PRRC2B: variants seen among roughly 807,000 people sequenced by gnomAD.
The protein encoded by PRRC2B is protein PRRC2B.
Under a neutral mutation model 242.3 loss-of-function variants are expected in PRRC2B, and 68 were observed. The observed-to-expected ratio is 0.28, with a 90% CI of 0.23 to 0.34. PRRC2B has a LOEUF of 0.34. Ranked by LOEUF, PRRC2B falls within the 10% of genes least tolerant of loss-of-function variation. The pLI is 1.00. For missense variants in PRRC2B, 2,835 were observed against 2,954.8 expected (o/e 0.96, Z 0.94); for synonymous variants, 1,228 against 1,173.6 (o/e 1.05, Z -0.95).
intron 11 of PRRC2B, among the ~76,000 whole-genome samples, chr9:131,461,105 CAG>C (rs1378140271): frequency 6.6e-6 from 1 of 152,224 alleles, no homozygotes; most frequent in African/African-American, 2.4e-5. Flanking sequence ...CTTTCTGTGA[CAG>C]GGAGAATCTA....
chr9:131,481,215 C>T (rs898936536), intron 19 of PRRC2B, among the ~76,000 whole-genome samples: 1 of 140,748 alleles, frequency 7.1e-6, no homozygotes, highest in African/African-American at 2.7e-5. Flanking sequence ...GAGGCTGAGG[C>T]AGGAGAATGG....
At chr9:131,418,444 GT>G (rs903652554) in intron 1 of PRRC2B, among the ~76,000 whole-genome samples, 3 of 152,066 alleles carry the variant, frequency 2.0e-5, no homozygotes, top group Non-Finnish European at 4.4e-5. Context: ...ACCAATCTTG[GT>G]TTTTTTTACC....
In PRRC2B at chr9:131,498,887, C is replaced by G. The variant is rs3739501; in HGVS notation, c.*3013C>G. 1 of 152,186 alleles carries G rather than the reference C, an allele frequency of 6.6e-6. No individual in the cohort carries two copies. 9.4% of individuals were successfully genotyped at this position (152,186 alleles called of 1,614,324 possible). Reference sequence around the variant, plus strand: ...TGAAGTCCAGAGTGTGGGTATACATCTCAGATGCCCATCTACCCACTGGGG... The same window carrying G: ...TGAAGTCCAGAGTGTGGGTATACATGTCAGATGCCCATCTACCCACTGGGG... On this transcript the variant is annotated 3_prime_UTR_variant, in exon 32 of 32. Transcript: ENST00000683519.
chr9:131,413,533 A>G (rs1837560262), intron 1 of PRRC2B, among the ~76,000 whole-genome samples: 1 of 152,166 alleles, frequency 6.6e-6, no homozygotes, highest in Non-Finnish European at 1.5e-5. Flanking sequence ...GCACCAACAC[A>G]CCCAGCTAAT....
chr9:131,448,553 A>AAAAAAAAAAC (rs1838896572), intron 9 of PRRC2B, among the ~76,000 whole-genome samples: 2 of 125,340 alleles, frequency 1.6e-5, no homozygotes, highest in African/African-American at 2.9e-5. Flanking sequence ...CAAAAAAAAA[A>AAAAAAAAAAC]AAAAAAAAAA....
At chr9:131,444,404 G>GA in intron 6 of PRRC2B, 76 bp downstream of exon 6, 2 of 1,483,000 alleles carry the variant, frequency 1.3e-6, no homozygotes, top group Non-Finnish European at 1.8e-6. Flanking sequence ...CTCCTAAAAG[G>GA]GTGCTGATGC....
chr9:131,482,663 T>A lies in PRRC2B; in HGVS notation c.5176-47T>A. On this transcript the variant is annotated intron_variant, in intron 21 of 31. Coordinates refer to ENST00000683519, the MANE Select transcript of PRRC2B (RefSeq NM_013318.4). The surrounding 1 kb of genome is among the most constrained non-coding windows in gnomAD (Gnocchi z 5.2). ...CTGGGACAGTAGAAGCTAGAGAGTGTGGTCATTCCAGTCTGTGTGTCTCCA... is the reference window on the plus strand; with the variant it reads ...CTGGGACAGTAGAAGCTAGAGAGTGAGGTCATTCCAGTCTGTGTGTCTCCA... 1 of 1,519,824 alleles carries A rather than the reference T, an allele frequency of 6.6e-7. No homozygotes were observed. The highest frequency in any genetic ancestry group is 8.8e-7 in the Non-Finnish European group (1 of 1,131,244). 94.1% of individuals were successfully genotyped at this position (1,519,824 alleles called of 1,614,324 possible). A position where few individuals can be genotyped will look rare whatever the true frequency, so the allele number is the denominator to read the frequency against.
chr9:131,420,925 A>G (rs532337408), intron 1 of PRRC2B, among the ~76,000 whole-genome samples: 21 of 152,230 alleles, frequency 1.4e-4, no homozygotes, highest in African/African-American at 4.8e-4. Context: ...TATGCACACA[A>G]GTTCATCATC....
Position 131,496,862 on chromosome 9 carries a change from C to T in PRRC2B, c.*988C>T, listed in dbSNP as rs968308860. The T allele has an allele frequency of 1.3e-5, 2 of 152,284 alleles. No homozygotes were observed. The highest frequency in any genetic ancestry group is 2.9e-5 in the Non-Finnish European group (2 of 68,070). The allele number at this position is 152,284 out of a possible 1,614,324, so 9.4% of individuals were successfully genotyped here. A position where few individuals can be genotyped will look rare whatever the true frequency, so the allele number is the denominator to read the frequency against. ...TGACATACCACAGGCCCATCCCAGG[C>T]CCCGTGGGCTCTGCTTCTGGGGCTC... On this transcript the variant is annotated 3_prime_UTR_variant, in exon 32 of 32. Transcript: ENST00000683519.
chr9:131,447,053 A>T (rs1838825512), intron 7 of PRRC2B, 32 bp from the exon 8 acceptor site: 1 of 1,613,524 alleles, frequency 6.2e-7, no homozygotes, highest in Non-Finnish European at 8.5e-7. Context: ...AGCCATTACC[A>T]GCAAATCCTG....
chr9:131,406,721 C>A (rs1457861440), intron 1 of PRRC2B, among the ~76,000 whole-genome samples: 1 of 152,010 alleles, frequency 6.6e-6, no homozygotes, highest in Non-Finnish European at 1.5e-5. Flanking sequence ...CAACTTGGAA[C>A]AGTATATGGT....
At chr9:131,431,487 A>C (rs1259104401) in intron 2 of PRRC2B, among the ~76,000 whole-genome samples, 1 of 149,954 alleles carries the variant, frequency 6.7e-6, no homozygotes, top group Non-Finnish European at 1.5e-5. Flanking sequence ...CTGGTCTCGA[A>C]CTCCCGACCT....
intron 1 of PRRC2B, among the ~76,000 whole-genome samples, chr9:131,428,611 G>A (rs932189163): frequency 2.0e-5 from 3 of 151,824 alleles, no homozygotes; most frequent in Non-Finnish European, 4.4e-5. Context: ...TGGCCAGGCT[G>A]GTCTCAAACT....
chr9:131,475,423 C>T lies in PRRC2B; in HGVS notation c.3294C>T (p.Ser1098=). Residue 1098 remains serine, a synonymous_variant, in exon 16 of 32, where the codon AGC becomes AGT. Coordinates refer to ENST00000683519, the MANE Select transcript of PRRC2B (RefSeq NM_013318.4). The part of the protein sequence containing the change: ...LCGGGVLGAR[S]IYCSSQRSGR... Reference sequence around the variant, plus strand: ...GTGGGGGGGTCCTGGGGGCCCGCAGCATCTACTGCAGCAGTCAGCGCAGCG... The same window carrying T: ...GTGGGGGGGTCCTGGGGGCCCGCAGTATCTACTGCAGCAGTCAGCGCAGCG... 2 of 1,577,384 alleles carry T rather than the reference C, an allele frequency of 1.3e-6. No individual in the cohort carries two copies. Among genetic ancestry groups the T allele is most frequent in the Non-Finnish European group, 1.7e-6 (2 of 1,162,952 alleles).
chr9:131,485,809 T>C, intron 25 of PRRC2B: 1 of 703,586 alleles, frequency 1.4e-6, no homozygotes, highest in Non-Finnish European at 2.6e-6. Flanking sequence ...AGTTGGTGAG[T>C]GGGAGGTGGG....
Position 131,473,540 on chromosome 9 carries a change from C to T in PRRC2B, c.2140C>T (p.Leu714Phe), listed in dbSNP as rs955787026. The change falls in exon 15 of 32, where the codon CTC becomes TTC. Residue 714 changes from leucine to phenylalanine, a missense_variant. Around this residue, in one of 7 missense-constraint regions of PRRC2B, gnomAD observed 1,536 missense variants for 1,483.1 expected, o/e 1.04. Transcript: ENST00000683519. ...LMKPMMPQESLNGTGCRSEDQ... is the reference protein window; with the variant it reads ...LMKPMMPQESFNGTGCRSEDQ... ...GAAGCCCATGATGCCCCAGGAGTCC[C>T]TCAATGGGACAGGCTGTCGCTCTGA... is the stretch of plus-strand genomic sequence containing the variant. 6.2e-7 allele frequency: 1 copy of T among 1,607,862 alleles called. No individual in the cohort carries two copies. Among genetic ancestry groups the T allele is most frequent in the Non-Finnish European group, 8.5e-7 (1 of 1,177,204 alleles).
chr9:131,492,811 G>C (rs376684889), intron 30 of PRRC2B, among the ~76,000 whole-genome samples: 2 of 152,198 alleles, frequency 1.3e-5, no homozygotes, highest in South Asian at 4.1e-4. Flanking sequence ...TGGATACTCA[G>C]GTGGCTCTGT....
chr9:131,394,630 C>G (rs995899334), intron 1 of PRRC2B, among the ~76,000 whole-genome samples: 8 of 151,342 alleles, frequency 5.3e-5, no homozygotes, highest in Admixed American at 3.3e-4. Context: ...GGGCGGGGGT[C>G]CCGGGCCCGC....
Position 131,446,300 on chromosome 9 carries a change from T to G in PRRC2B, c.614-101T>G. 1.4e-6 allele frequency: 2 copies of G among 1,412,116 alleles called. No individual in the cohort carries two copies. The highest frequency in any genetic ancestry group is 1.9e-6 in the Non-Finnish European group (2 of 1,049,134). 87.5% of individuals were successfully genotyped at this position (1,412,116 alleles called of 1,614,324 possible). ...TGGTGTTTTTTGTTTTTCATTTTAT[T>G]TTTTTGGTGAAGGAGGGGGTCCCTT... On this transcript the variant is annotated intron_variant, in intron 6 of 31. Transcript: ENST00000683519. This position sits in a 1 kb window ranked among gnomAD's most constrained non-coding sequence, Gnocchi z 4.1.
Sources: allele counts gnomAD v4.1 joint callset (sites outside exome capture counted in the v4.1 genomes callset), GRCh38; gene constraint gnomAD v4.1.1; regional missense constraint gnomAD v4.1.1; non-coding constraint Gnocchi (gnomAD v3.1); transcripts MANE v1.5; gene names NCBI Gene and HGNC (gene_info 2026-07-23, HGNC 2026-07-21).